PCDH15: variants seen among roughly 807,000 people sequenced by gnomAD.
The protein encoded by PCDH15 is protocadherin-15.
Under a neutral mutation model 178.5 loss-of-function variants are expected in PCDH15, and 129 were observed. The ratio of observed to expected loss-of-function variants is 0.72; its 90% CI spans 0.63 to 0.84. The LOEUF (loss-of-function observed/expected upper bound fraction) is 0.84, where lower values mean the gene tolerates loss of function less well. Ranked by LOEUF, PCDH15 falls within the 40% of genes least tolerant of loss-of-function variation. The probability of loss-of-function intolerance (pLI) is 0.00; values close to 1 mark genes in which losing one functional copy is unlikely to be tolerated. For missense variants in PCDH15, 2,230 were observed against 2,099.9 expected (o/e 1.06, Z -1.21); for synonymous variants, 800 against 732.0 (o/e 1.09, Z -1.50).
chr10:55,522,276 C>T (rs958817818), intron 2 of PCDH15, among the ~76,000 whole-genome samples: 6 of 151,808 alleles, frequency 4.0e-5, no homozygotes, highest in African/African-American at 1.4e-4. Context: ...TTTTAATTCG[C>T]ATTTCCTTGA....
intron 25 of PCDH15, among the ~76,000 whole-genome samples, chr10:53,934,200 G>A (rs955057296): frequency 6.6e-6 from 1 of 152,098 alleles, no homozygotes; most frequent in East Asian, 1.9e-4. Flanking sequence ...ATCTCCCAGT[G>A]AGACAGAGGA....
chr10:55,211,179 A>G (rs1055752163), intron 1 of PCDH15, among the ~76,000 whole-genome samples: 4 of 152,048 alleles, frequency 2.6e-5, no homozygotes, highest in African/African-American at 9.7e-5. Flanking sequence ...AAAGTGGGAG[A>G]CAGCTTGAAG....
At chr10:54,953,644 A>C (rs1838402795) in intron 2 of PCDH15, among the ~76,000 whole-genome samples, 1 of 151,252 alleles carries the variant, frequency 6.6e-6, no homozygotes, top group South Asian at 2.1e-4. Flanking sequence ...AATAGTCTAA[A>C]ATTATTCTAA....
chr10:54,843,562 G>T (rs977590004), intron 3 of PCDH15, among the ~76,000 whole-genome samples: 2 of 151,732 alleles, frequency 1.3e-5, no homozygotes, highest in African/African-American at 4.8e-5. Flanking sequence ...TTTGCTTGTC[G>T]ACTTTATATT....
At chr10:54,343,811 A>G (rs1336964879) in intron 6 of PCDH15, among the ~76,000 whole-genome samples, 2 of 152,004 alleles carry the variant, frequency 1.3e-5, no homozygotes, top group Non-Finnish European at 2.9e-5. Flanking sequence ...AAAATAAAAA[A>G]TAAAAATAAA....
chr10:55,401,598 G>T (rs1414418192), intron 2 of PCDH15, among the ~76,000 whole-genome samples: 2 of 127,958 alleles, frequency 1.6e-5, no homozygotes, highest in South Asian at 5.4e-4. Context: ...GCCTTACTGT[G>T]TGTGTGTGTG....
intron 2 of PCDH15, among the ~76,000 whole-genome samples, chr10:55,407,659 T>C (rs1313945867): frequency 6.6e-6 from 1 of 152,164 alleles, no homozygotes; most frequent in Non-Finnish European, 1.5e-5. Context: ...TGAGCCTCAC[T>C]AGTCAACCTC....
At chr10:55,273,999 T>C (rs1431140152) in intron 1 of PCDH15, among the ~76,000 whole-genome samples, 1 of 152,116 alleles carries the variant, frequency 6.6e-6, no homozygotes, top group East Asian at 1.9e-4. Context: ...CACATGTATG[T>C]ATGTATGTGT....
At chr10:54,041,448 T>C (rs1466350174) in intron 18 of PCDH15, among the ~76,000 whole-genome samples, 1 of 152,078 alleles carries the variant, frequency 6.6e-6, no homozygotes, top group Non-Finnish European at 1.5e-5. Flanking sequence ...AATGTGTTCT[T>C]TGATCTTATG....
chr10:55,570,035 A>C (rs1589145699), intron 2 of PCDH15, among the ~76,000 whole-genome samples: 1 of 152,050 alleles, frequency 6.6e-6, no homozygotes, highest in African/African-American at 2.4e-5. Context: ...TTGGGGCAAA[A>C]TAGAGCTTTT....
At chr10:53,820,064 AT>A (rs2076201774) in intron 33 of PCDH15, 100 bp downstream of exon 33, 3 of 394,810 alleles carry the variant, frequency 7.6e-6, no homozygotes, top group Non-Finnish European at 9.0e-6. Context: ...CTATTTATAG[AT>A]TTATCAAGAA....
intron 3 of PCDH15, chr10:54,452,321 A>G (rs995605346): frequency 2.0e-5 from 3 of 151,950 alleles, no homozygotes; most frequent in Non-Finnish European, 4.4e-5. Flanking sequence ...TAATTTCACA[A>G]TTGCCTTTTT....
intron 8 of PCDH15, among the ~76,000 whole-genome samples, chr10:54,313,536 T>G (rs2061037281): frequency 6.6e-6 from 1 of 152,092 alleles, no homozygotes. Flanking sequence ...TAACCCAGGC[T>G]GCCAGAGCCA....
intron 21 of PCDH15, among the ~76,000 whole-genome samples, chr10:53,983,904 C>T (rs1195601150): frequency 6.6e-6 from 1 of 151,760 alleles, no homozygotes; most frequent in Non-Finnish European, 1.5e-5. Context: ...CTTAGGTTTC[C>T]CTCTCCATCC....
chr10:54,335,630 C>A (rs1001041639), intron 6 of PCDH15, among the ~76,000 whole-genome samples: 1 of 152,150 alleles, frequency 6.6e-6, no homozygotes, highest in African/African-American at 2.4e-5. Flanking sequence ...TAGTCTGCTT[C>A]CATGTAAGAC....
intron 22 of PCDH15, among the ~76,000 whole-genome samples, chr10:53,960,747 A>G (rs1381630923): frequency 2.6e-5 from 4 of 152,186 alleles, no homozygotes; most frequent in African/African-American, 9.7e-5. Flanking sequence ...GCTAATTTAC[A>G]AACTGATCAG....
At chr10:55,334,101 C>T (rs908786665) in intron 2 of PCDH15, among the ~76,000 whole-genome samples, 2 of 150,016 alleles carry the variant, frequency 1.3e-5, no homozygotes, top group African/African-American at 4.9e-5. Context: ...ACTTCAAGCC[C>T]TAGGTATAGG....
intron 2 of PCDH15, among the ~76,000 whole-genome samples, chr10:55,585,784 T>C (rs1842716304): frequency 6.6e-6 from 1 of 152,106 alleles, no homozygotes; most frequent in Non-Finnish European, 1.5e-5. Context: ...TGTGTGTATA[T>C]ATATATGAGA....
At chr10:54,136,503 G>C (rs534596613) in intron 14 of PCDH15, among the ~76,000 whole-genome samples, 1 of 151,354 alleles carries the variant, frequency 6.6e-6, no homozygotes, top group Admixed American at 6.6e-5. Context: ...TCAGTTTACT[G>C]GTCAAGAATA....
Sources: allele counts gnomAD v4.1 joint callset (sites outside exome capture counted in the v4.1 genomes callset), GRCh38; gene constraint gnomAD v4.1.1; transcripts MANE v1.5; gene names NCBI Gene and HGNC (gene_info 2026-07-23, HGNC 2026-07-21).